TLL1: variants seen among roughly 807,000 people sequenced by gnomAD.
TLL1 encodes the protein tolloid like 1, also known as tolloid-like protein 1.
A neutral mutation model predicts 128.2 loss-of-function variants in TLL1; 49 were observed. The observed-to-expected ratio is 0.38, with a 90% CI of 0.30 to 0.48. The LOEUF (loss-of-function observed/expected upper bound fraction) is 0.48, where lower values mean the gene tolerates loss of function less well. Ranked by LOEUF, TLL1 falls within the 20% of genes least tolerant of loss-of-function variation. The pLI is 0.96. For missense variants in TLL1, 1,123 were observed against 1,242.0 expected (o/e 0.90, Z 1.44); for synonymous variants, 454 against 418.8 (o/e 1.08, Z -1.03).
chr4:165,992,449 G>A (rs1020528819), intron 2 of TLL1, among the ~76,000 whole-genome samples: 1 of 151,984 alleles, frequency 6.6e-6, no homozygotes, highest in Non-Finnish European at 1.5e-5. Context: ...GAAATAGCTG[G>A]CATGCAATCA....
intron 1 of TLL1, among the ~76,000 whole-genome samples, chr4:165,956,930 C>T (rs1315216632): frequency 6.6e-6 from 1 of 152,024 alleles, no homozygotes; most frequent in Non-Finnish European, 1.5e-5. Context: ...GCCCACAGAC[C>T]CTATAAAGCA....
Position 165,995,044 on chromosome 4 carries a change from T to A in TLL1, c.515-17T>A, listed in dbSNP as rs760986944. On this transcript the variant is annotated splice_polypyrimidine_tract_variant and intron_variant, in intron 4 of 20. Coordinates refer to ENST00000061240, the MANE Select transcript of TLL1 (RefSeq NM_012464.5). ...TGGGGATGCCACCTTTTCATTAACATCACACATTTTTTCTAGGCAGCCAGA... is the reference window on the plus strand; with the variant it reads ...TGGGGATGCCACCTTTTCATTAACAACACACATTTTTTCTAGGCAGCCAGA... The A allele has an allele frequency of 1.2e-6, 2 of 1,606,670 alleles. No homozygotes were observed. Among genetic ancestry groups the A allele is most frequent in the Non-Finnish European group, 8.5e-7 (1 of 1,173,414 alleles).
chr4:166,033,147 G>A (rs575460288), intron 9 of TLL1, among the ~76,000 whole-genome samples: 39 of 152,178 alleles, frequency 2.6e-4, no homozygotes, highest in African/African-American at 7.9e-4. Flanking sequence ...CCTTTTAGAA[G>A]CACATTGGGT....
At chr4:165,929,012 A>C (rs779998405) in intron 1 of TLL1, among the ~76,000 whole-genome samples, 3 of 152,190 alleles carry the variant, frequency 2.0e-5, no homozygotes, top group Non-Finnish European at 2.9e-5. Context: ...CAGGAGAAGC[A>C]AGTGTCGGAC....
chr4:165,880,600 TA>T (rs1730929838), intron 1 of TLL1, among the ~76,000 whole-genome samples: 1 of 152,316 alleles, frequency 6.6e-6, no homozygotes, highest in African/African-American at 2.4e-5. Flanking sequence ...ACTCAGTGTT[TA>T]AAAAAGACTT....
chr4:165,911,989 C>A (rs1732554734), intron 1 of TLL1, among the ~76,000 whole-genome samples: 1 of 152,128 alleles, frequency 6.6e-6, no homozygotes, highest in Non-Finnish European at 1.5e-5. Context: ...CATTCTCCTG[C>A]CTCAGCCTCC....
At chr4:166,077,483 C>A (rs1741087821) in intron 17 of TLL1, among the ~76,000 whole-genome samples, 2 of 152,064 alleles carry the variant, frequency 1.3e-5, no homozygotes, top group Admixed American at 1.3e-4. Context: ...TATTAATTAG[C>A]TGTAAATGAT....
intron 9 of TLL1, among the ~76,000 whole-genome samples, chr4:166,031,671 A>G (rs1450245880): frequency 1.3e-5 from 2 of 152,136 alleles, no homozygotes; most frequent in South Asian, 2.1e-4. Flanking sequence ...CCCGGCTTTA[A>G]GTTTTTTTGA....
intron 1 of TLL1, among the ~76,000 whole-genome samples, chr4:165,973,171 C>T (rs768682586): frequency 2.0e-5 from 3 of 152,030 alleles, no homozygotes; most frequent in South Asian, 4.2e-4. Flanking sequence ...TGAAGTCCCA[C>T]GATAGGCCAT....
At chr4:166,078,286 A>T (rs939648246) in intron 18 of TLL1, among the ~76,000 whole-genome samples, 2 of 152,204 alleles carry the variant, frequency 1.3e-5, no homozygotes, top group Non-Finnish European at 2.9e-5. Flanking sequence ...GCAAAACAGT[A>T]GTCTTTACTT....
intron 18 of TLL1, among the ~76,000 whole-genome samples, chr4:166,088,609 T>C (rs2111154956): frequency 6.6e-6 from 1 of 152,248 alleles, no homozygotes; most frequent in African/African-American, 2.4e-5. Context: ...AACAAGTTGC[T>C]ACCTATTCCA....
intron 1 of TLL1, among the ~76,000 whole-genome samples, chr4:165,943,981 T>G (rs1734133264): frequency 6.6e-6 from 1 of 152,142 alleles, no homozygotes; most frequent in Non-Finnish European, 1.5e-5. Flanking sequence ...TTATGCTTTA[T>G]GGGCTCAGCT....
At chr4:166,095,359 C>T (rs1231512628) in intron 19 of TLL1, among the ~76,000 whole-genome samples, 2 of 151,320 alleles carry the variant, frequency 1.3e-5, no homozygotes, top group African/African-American at 4.9e-5. Flanking sequence ...TAATAGGTAA[C>T]AAACAGTATT....
In TLL1 at chr4:166,014,502, G is replaced by A. The variant is rs200143219; in HGVS notation, c.984G>A (p.Gln328=). 8.1e-6 allele frequency: 13 copies of A among 1,612,490 alleles called. No individual in the cohort carries two copies. The highest frequency in any genetic ancestry group is 1.1e-5 in the South Asian group (1 of 91,064). The part of the protein sequence containing the change: ...DDNGIRPAIG[Q]RTRLSKGDIA... ...ATGGCATACGTCCTGCAATTGGTCA[G>A]CGAACCCGTCTAAGCAAAGGAGATA... The change falls in exon 8 of 21, where the codon CAG becomes CAA. Residue 328 remains glutamine, a synonymous_variant. Coordinates refer to ENST00000061240, the MANE Select transcript of TLL1 (RefSeq NM_012464.5).
intron 9 of TLL1, among the ~76,000 whole-genome samples, chr4:166,037,813 T>TAA (rs78861420): frequency 6.9e-6 from 1 of 144,122 alleles, no homozygotes. Context: ...TGTCTCCAAT[T>TAA]AAAAAAAAAA....
chr4:165,946,959 A>T (rs757549020), intron 1 of TLL1, among the ~76,000 whole-genome samples: 5 of 152,140 alleles, frequency 3.3e-5, no homozygotes, highest in Non-Finnish European at 5.9e-5. Flanking sequence ...TTATGTTGCA[A>T]GCAGAACTTT....
intron 9 of TLL1, among the ~76,000 whole-genome samples, chr4:166,027,596 T>C (rs374102802): frequency 1.8e-4 from 27 of 152,222 alleles, no homozygotes; most frequent in African/African-American, 6.0e-4. Flanking sequence ...AATATGATCA[T>C]AGGTGTTGAT....
chr4:166,101,023 A>C lies in TLL1; in HGVS notation c.*147A>C. On this transcript the variant is annotated 3_prime_UTR_variant, in exon 21 of 21. Coordinates refer to ENST00000061240, the MANE Select transcript of TLL1 (RefSeq NM_012464.5). The stretch of plus-strand genomic sequence containing the variant: ...AAGACCAGAATTATCTTTGTACTAA[A>C]AGAGAAGTTTCCAGCAAAACCCTCA... 9.6e-7 allele frequency: 1 copy of C among 1,044,488 alleles called. No individual in the cohort carries two copies. 64.7% of individuals were successfully genotyped at this position (1,044,488 alleles called of 1,614,324 possible).
intron 2 of TLL1, among the ~76,000 whole-genome samples, chr4:165,991,035 G>T (rs1736615855): frequency 6.6e-6 from 1 of 151,914 alleles, no homozygotes; most frequent in African/African-American, 2.4e-5. Flanking sequence ...ACAATAAAAT[G>T]CTAGAGTTAT....
Sources: allele counts gnomAD v4.1 joint callset (sites outside exome capture counted in the v4.1 genomes callset), GRCh38; gene constraint gnomAD v4.1.1; transcripts MANE v1.5; gene names NCBI Gene and HGNC (gene_info 2026-07-23, HGNC 2026-07-21).